Variants in NKAIN2 observed in about 807,000 individuals in gnomAD.
NKAIN2 encodes the protein sodium/potassium transporting ATPase interacting 2, also known as sodium/potassium-transporting ATPase subunit beta-1-interacting protein 2.
In NKAIN2, 14 loss-of-function variants were observed where a neutral mutation model predicts 32.6. The observed-to-expected ratio is 0.43, with a 90% CI of 0.28 to 0.67. NKAIN2 has a LOEUF of 0.67. Ranked by LOEUF, NKAIN2 falls within the 30% of genes least tolerant of loss-of-function variation. The pLI, the probability that NKAIN2 is intolerant of heterozygous loss-of-function variation, is 0.17. For synonymous variants in NKAIN2, 80 were observed against 87.2 expected (o/e 0.92, Z 0.46); for missense variants, 198 against 258.3 (o/e 0.77, Z 1.60).
At chr6:124,461,349 A>G (rs891268861) in intron 3 of NKAIN2, among the ~76,000 whole-genome samples, 1 of 151,728 alleles carries the variant, frequency 6.6e-6, no homozygotes, top group African/African-American at 2.4e-5. Context: ...TTCTTTCCAC[A>G]CTTTAATTAA....
chr6:123,883,894 CAAAAA>C (rs369070419), intron 1 of NKAIN2, among the ~76,000 whole-genome samples: 4 of 63,876 alleles, frequency 6.3e-5, no homozygotes, highest in African/African-American at 2.5e-4. Flanking sequence ...GACTCTGTCT[CAAAAA>C]AAAAAAAAAA....
intron 4 of NKAIN2, among the ~76,000 whole-genome samples, chr6:124,778,255 A>AG (rs1320360586): frequency 0.03 from 5 of 166 alleles, no homozygotes; most frequent in East Asian, 0.1. Flanking sequence ...CCTGAAGTTA[A>AG]GGGAAAAAAA....
Position 124,163,576 on chromosome 6 carries a change from G to C in NKAIN2, c.55-119429G>C, listed in dbSNP as rs140648592. Among the ~76,000 whole-genome samples the C allele has an allele frequency of 6.6e-3, 1,005 of 152,076 alleles. 2 individuals carry two copies. Among genetic ancestry groups the C allele is most frequent in the Non-Finnish European group, 0.01 (683 of 67,946 alleles). On this transcript the variant is annotated intron_variant, in intron 1 of 6. Transcript: ENST00000368417. ...ATTTAGAACCTATGTAAAATGGTAA[G>C]ACATTTCATTGGCTTGCAAAAGTCT...
intron 1 of NKAIN2, among the ~76,000 whole-genome samples, chr6:123,927,747 T>A (rs1245073205): frequency 6.6e-6 from 1 of 152,222 alleles, no homozygotes; most frequent in Non-Finnish European, 1.5e-5. Flanking sequence ...ATTGTTCACA[T>A]GGCAAACATG....
chr6:124,050,533 G>C (rs184775032), intron 1 of NKAIN2, among the ~76,000 whole-genome samples: 1 of 151,856 alleles, frequency 6.6e-6, no homozygotes, highest in Non-Finnish European at 1.5e-5. Flanking sequence ...GGGGCTCAGT[G>C]GTTTTCCTTG....
intron 3 of NKAIN2, among the ~76,000 whole-genome samples, chr6:124,415,461 A>G (rs1319396709): frequency 1.3e-5 from 2 of 152,236 alleles, no homozygotes; most frequent in Non-Finnish European, 2.9e-5. Flanking sequence ...GCCACCCTCC[A>G]GGAACCCACA....
intron 3 of NKAIN2, among the ~76,000 whole-genome samples, chr6:124,599,137 A>G (rs559093408): frequency 2.6e-5 from 4 of 151,644 alleles, no homozygotes; most frequent in Non-Finnish European, 5.9e-5. Context: ...TTCTTGGAAA[A>G]CCTAATGATT....
intron 1 of NKAIN2, among the ~76,000 whole-genome samples, chr6:124,064,157 T>C (rs1783050253): frequency 6.6e-6 from 1 of 152,080 alleles, no homozygotes; most frequent in African/African-American, 2.4e-5. Context: ...TTCACCATGT[T>C]AGCCAGGATG....
chr6:124,684,415 A>T (rs1356948636), intron 4 of NKAIN2, among the ~76,000 whole-genome samples: 1 of 152,182 alleles, frequency 6.6e-6, no homozygotes, highest in Non-Finnish European at 1.5e-5. Flanking sequence ...TGTGTGATGC[A>T]GTTCAGCAAT....
At chr6:124,775,419 G>C (rs1448404889) in intron 4 of NKAIN2, among the ~76,000 whole-genome samples, 2 of 152,164 alleles carry the variant, frequency 1.3e-5, no homozygotes, top group African/African-American at 4.8e-5. Context: ...AGTTGATACA[G>C]TACAGCTTTA....
At chr6:124,347,183 A>G (rs1282037118) in intron 2 of NKAIN2, among the ~76,000 whole-genome samples, 1 of 152,170 alleles carries the variant, frequency 6.6e-6, no homozygotes, top group African/African-American at 2.4e-5. Flanking sequence ...TCTGGCTTGT[A>G]GAGTTTCTGC....
At chr6:124,043,125 A>T (rs1284959883) in intron 1 of NKAIN2, among the ~76,000 whole-genome samples, 1 of 152,054 alleles carries the variant, frequency 6.6e-6, no homozygotes, top group Non-Finnish European at 1.5e-5. Flanking sequence ...TGGGAGGCCG[A>T]GGTGGGCGGA....
At chr6:124,358,813 T>C (rs1221714420) in intron 3 of NKAIN2, among the ~76,000 whole-genome samples, 1 of 151,584 alleles carries the variant, frequency 6.6e-6, no homozygotes, top group African/African-American at 2.4e-5. Context: ...TTTGTTGCCA[T>C]TGCTTTTGGT....
chr6:124,293,489 GA>G (rs1795911130), intron 2 of NKAIN2, among the ~76,000 whole-genome samples: 1 of 152,136 alleles, frequency 6.6e-6, no homozygotes, highest in African/African-American at 2.4e-5. Flanking sequence ...ATTCAAATAG[GA>G]TTGGAACTAC....
chr6:124,300,954 G>C (rs1233130824), intron 2 of NKAIN2, among the ~76,000 whole-genome samples: 16 of 152,204 alleles, frequency 1.1e-4, no homozygotes, highest in Non-Finnish European at 2.2e-4. Context: ...ATTCAAGCCT[G>C]CTGCAGAAAT....
intron 6 of NKAIN2, among the ~76,000 whole-genome samples, chr6:124,822,156 T>C (rs577276163): frequency 6.6e-6 from 1 of 152,320 alleles, no homozygotes; most frequent in Non-Finnish European, 1.5e-5. Flanking sequence ...AAGGGCCTTT[T>C]CAACTTCATA....
chr6:124,010,213 A>C (rs190448530), intron 1 of NKAIN2, among the ~76,000 whole-genome samples: 13 of 152,196 alleles, frequency 8.5e-5, no homozygotes, highest in African/African-American at 2.9e-4. Context: ...GAAGATATCA[A>C]AGGGAATTTG....
At chr6:124,535,996 A>T (rs1423937001) in intron 3 of NKAIN2, among the ~76,000 whole-genome samples, 1 of 152,222 alleles carries the variant, frequency 6.6e-6, no homozygotes, top group Non-Finnish European at 1.5e-5. Flanking sequence ...GCCGATGGGC[A>T]GCTAGCCATG....
chr6:124,476,063 AGAGTGTGTGTGT>A (rs1421525623), intron 3 of NKAIN2, among the ~76,000 whole-genome samples: 1,845 of 115,088 alleles, frequency 0.016, 33 homozygotes, highest in African/African-American at 0.061. Context: ...AGAGAGAGAG[AGAGTGTGTGTGT>A]GTGTGTGTGT....
Sources: allele counts gnomAD v4.1 joint callset (sites outside exome capture counted in the v4.1 genomes callset), GRCh38; gene constraint gnomAD v4.1.1; transcripts MANE v1.5; gene names NCBI Gene and HGNC (gene_info 2026-07-23, HGNC 2026-07-21).